Variants in GRM1 observed in about 807,000 individuals in gnomAD.
GRM1 encodes the protein metabotropic glutamate receptor 1.
In GRM1, 33 loss-of-function variants were observed where a neutral mutation model predicts 90.9. The ratio of observed to expected loss-of-function variants is 0.36; its 90% confidence interval spans 0.28 to 0.49. The LOEUF (loss-of-function observed/expected upper bound fraction) is 0.49. GRM1 is among the 20% of genes least tolerant of loss of function. The pLI is 0.99. For synonymous variants in GRM1, 700 were observed against 613.2 expected (o/e 1.14, Z -2.09); for missense variants, 1,190 against 1,534.3 (o/e 0.78, Z 3.75).
intron 2 of GRM1, among the ~76,000 whole-genome samples, chr6:146,281,807 A>G (rs1444355516): frequency 1.3e-5 from 2 of 152,152 alleles, no homozygotes; most frequent in African/African-American, 4.8e-5. Flanking sequence ...AAGTGGCTTG[A>G]TCCCATCTTG....
intron 2 of GRM1, chr6:146,171,925 C>T (rs1347517471): frequency 5.0e-6 from 1 of 200,810 alleles, no homozygotes; most frequent in Non-Finnish European, 1.1e-5. Flanking sequence ...GGCATAGAGC[C>T]CTGCCTCTTC....
intron 2 of GRM1, among the ~76,000 whole-genome samples, chr6:146,185,795 C>T (rs1778711204): frequency 6.6e-6 from 1 of 152,140 alleles, no homozygotes; most frequent in Non-Finnish European, 1.5e-5. Flanking sequence ...TTTTCTTATC[C>T]ACATATCTCT....
intron 5 of GRM1, among the ~76,000 whole-genome samples, chr6:146,370,905 T>C (rs1468781970): frequency 6.6e-6 from 1 of 152,148 alleles, no homozygotes; most frequent in Admixed American, 6.6e-5. Flanking sequence ...TGTCAACTTT[T>C]TGATCATTTT....
chr6:146,215,268 T>G (rs558886603), intron 2 of GRM1, among the ~76,000 whole-genome samples: 1 of 152,352 alleles, frequency 6.6e-6, no homozygotes, highest in Middle Eastern at 3.4e-3. Flanking sequence ...GTCTTCTAAT[T>G]TGGTCTCTTC....
At chr6:146,120,079 A>G (rs898121762) in intron 1 of GRM1, among the ~76,000 whole-genome samples, 17 of 152,140 alleles carry the variant, frequency 1.1e-4, no homozygotes, top group African/African-American at 4.1e-4. Flanking sequence ...ATGAGCATGG[A>G]GTGTTCTTCC....
intron 2 of GRM1, among the ~76,000 whole-genome samples, chr6:146,270,189 A>T (rs145586820): frequency 6.6e-6 from 1 of 152,288 alleles, no homozygotes; most frequent in Non-Finnish European, 1.5e-5. Flanking sequence ...AAAGAGAGAG[A>T]GTGTATAAGC....
intron 3 of GRM1, among the ~76,000 whole-genome samples, chr6:146,314,634 A>G (rs1016792283): frequency 6.6e-6 from 1 of 152,190 alleles, no homozygotes; most frequent in African/African-American, 2.4e-5. Context: ...TGATTGGGAA[A>G]ATAGCATCAC....
chr6:146,426,328 C>CA (rs1257311873), intron 7 of GRM1, among the ~76,000 whole-genome samples: 2 of 148,944 alleles, frequency 1.3e-5, no homozygotes, highest in African/African-American at 2.5e-5. Context: ...ACACACACAG[C>CA]AAAAAAAGCA....
chr6:146,401,512 A>G (rs1471988198), intron 7 of GRM1, among the ~76,000 whole-genome samples: 1 of 152,214 alleles, frequency 6.6e-6, no homozygotes, highest in African/African-American at 2.4e-5. Flanking sequence ...AGGAAAGAAA[A>G]TGAAAAGAAA....
intron 1 of GRM1, among the ~76,000 whole-genome samples, chr6:146,110,765 A>T (rs150737748): frequency 6.6e-6 from 1 of 152,182 alleles, no homozygotes; most frequent in Non-Finnish European, 1.5e-5. Flanking sequence ...TTATTTAACT[A>T]TGCCAAACTA....
chr6:146,256,476 A>T (rs1583230125), intron 2 of GRM1, among the ~76,000 whole-genome samples: 1 of 151,816 alleles, frequency 6.6e-6, no homozygotes, highest in Admixed American at 6.6e-5. Flanking sequence ...AACTCCTTCC[A>T]TCTTCCTTTT....
Position 146,434,851 on chromosome 6 carries a change from A to G in GRM1, c.*55A>G. On this transcript the variant is annotated 3_prime_UTR_variant, in exon 8 of 8. Coordinates refer to ENST00000282753, the MANE Select transcript of GRM1 (RefSeq NM_001278064.2). Reference sequence around the variant, plus strand: ...CAAGCCAGAGATCTCCCACACCTCCAGAGATGTGCAAACAGCTGGGAGGAA... The same window carrying G: ...CAAGCCAGAGATCTCCCACACCTCCGGAGATGTGCAAACAGCTGGGAGGAA... 7.0e-7 allele frequency: 1 copy of G among 1,427,392 alleles called. No individual in the cohort carries two copies. Among genetic ancestry groups the G allele is most frequent in the Non-Finnish European group, 9.8e-7 (1 of 1,024,310 alleles). 88.4% of individuals were successfully genotyped at this position (1,427,392 alleles called of 1,614,324 possible).
At chr6:146,071,456 A>T (rs556630545) in intron 1 of GRM1, among the ~76,000 whole-genome samples, 1 of 152,332 alleles carries the variant, frequency 6.6e-6, no homozygotes, top group Admixed American at 6.5e-5. Context: ...CATGCTTAAT[A>T]TAGTTATATA....
intron 1 of GRM1, among the ~76,000 whole-genome samples, chr6:146,130,607 A>G (rs1386184354): frequency 6.6e-6 from 1 of 152,088 alleles, no homozygotes; most frequent in Non-Finnish European, 1.5e-5. Flanking sequence ...TTTATTAATA[A>G]TAAATTTATT....
intron 2 of GRM1, among the ~76,000 whole-genome samples, chr6:146,253,669 G>A (rs1204157109): frequency 1.3e-5 from 2 of 152,150 alleles, no homozygotes; most frequent in African/African-American, 4.8e-5. Flanking sequence ...TGCATAATCT[G>A]AAGACCTTGT....
chr6:146,220,822 G>C (rs1583182879), intron 2 of GRM1, among the ~76,000 whole-genome samples: 2 of 152,020 alleles, frequency 1.3e-5, no homozygotes, highest in East Asian at 1.9e-4. Flanking sequence ...GGAAGTCCCT[G>C]GGTCAAATGA....
chr6:146,100,143 A>G (rs1289340376), intron 1 of GRM1, among the ~76,000 whole-genome samples: 1 of 152,224 alleles, frequency 6.6e-6, no homozygotes, highest in East Asian at 1.9e-4. Context: ...TTTAAAAAAC[A>G]GAAGTCCATT....
intron 1 of GRM1, among the ~76,000 whole-genome samples, chr6:146,119,876 A>C (rs2128876823): frequency 6.6e-6 from 1 of 152,296 alleles, no homozygotes; most frequent in Non-Finnish European, 1.5e-5. Flanking sequence ...AGGTAGCGTG[A>C]TGCCTCCAGC....
At chr6:146,375,444 C>T (rs1048384147) in intron 5 of GRM1, among the ~76,000 whole-genome samples, 10 of 151,892 alleles carry the variant, frequency 6.6e-5, no homozygotes, top group Middle Eastern at 3.2e-3. Flanking sequence ...TCTGATGTTT[C>T]TTTGTTGATT....
Sources: allele counts gnomAD v4.1 joint callset (sites outside exome capture counted in the v4.1 genomes callset), GRCh38; gene constraint gnomAD v4.1.1; transcripts MANE v1.5; gene names NCBI Gene and HGNC (gene_info 2026-07-23, HGNC 2026-07-21).